Variants in METTL4 observed in about 807,000 individuals in gnomAD.
METTL4 encodes the protein methyltransferase 4, N6-adenosine, also known as N(6)-adenine-specific methyltransferase METTL4.
A neutral mutation model predicts 54.0 loss-of-function variants in METTL4; 40 were observed. The ratio of observed to expected loss-of-function variants is 0.74; its 90% confidence interval spans 0.58 to 0.96. METTL4 has a LOEUF of 0.96. METTL4 is among the 50% of genes least tolerant of loss of function. METTL4 has a pLI of 0.00. For missense variants in METTL4, 525 were observed against 549.0 expected (o/e 0.96, Z 0.44); for synonymous variants, 169 against 183.8 (o/e 0.92, Z 0.65).
intron 5 of METTL4, among the ~76,000 whole-genome samples, chr18:2,549,819 T>TAAAAAAAAA (rs397758263): frequency 1.3e-4 from 10 of 79,064 alleles, no homozygotes; most frequent in African/African-American, 2.2e-4. Flanking sequence ...CCATCTCTAC[T>TAAAAAAAAA]AAAAAAAAAA....
At chr18:2,555,720 G>A (rs757369784) in intron 3 of METTL4, among the ~76,000 whole-genome samples, 5 of 151,898 alleles carry the variant, frequency 3.3e-5, no homozygotes, top group Non-Finnish European at 7.4e-5. Context: ...TCCCCTTCTG[G>A]ACAAGATGGA....
intron 1 of METTL4, chr18:2,568,245 T>A (rs2072450358): frequency 6.6e-6 from 1 of 152,272 alleles, no homozygotes; most frequent in African/African-American, 2.4e-5. Context: ...GGATGAAGGC[T>A]GAGTTGATCA....
intron 2 of METTL4, among the ~76,000 whole-genome samples, chr18:2,566,095 T>A (rs1260840146): frequency 4.0e-5 from 6 of 148,548 alleles, no homozygotes; most frequent in Admixed American, 6.7e-5. Flanking sequence ...ATAAATAAAA[T>A]AAACAAATAA....
intron 2 of METTL4, among the ~76,000 whole-genome samples, chr18:2,565,145 G>A (rs962178796): frequency 2.0e-5 from 3 of 152,084 alleles, no homozygotes; most frequent in African/African-American, 7.2e-5. Flanking sequence ...CGGGTATGGT[G>A]GTGGACACAC....
rs577050633 is a variant in METTL4 at position 2,552,169 on chromosome 18, G to C, written c.899+526C>G. ...GATCGCGCCACTGCACTCCAGCCTG[G>C]TAACGGAGTGAGACTCCATCTCAAA... is the stretch of plus-strand genomic sequence containing the variant. On this transcript the variant is annotated intron_variant, in intron 5 of 8. Transcript: ENST00000574538. Among the ~76,000 whole-genome samples, 6 of 147,974 alleles carry C rather than the reference G, an allele frequency of 4.1e-5. No individual in the cohort carries two copies. The South Asian group carries it at 1.2e-3, about 31-fold the overall frequency.
rs2072435128 is a variant in METTL4, at chr18:2,567,212, G to A, written c.5C>T (p.Ser2Phe). 3 of 1,579,632 alleles carry A rather than the reference G, an allele frequency of 1.9e-6. No homozygotes were observed. The highest frequency in any genetic ancestry group is 2.6e-6 in the Non-Finnish European group (3 of 1,163,228). MSVVHQLSAGWL... is the reference protein window; with the variant it reads MFVVHQLSAGWL... ...CCCAGCTGACAACTGGTGTACCACA[G>A]ACATTCCCTTCCTTTAAAAAAGCCT... Residue 2 changes from serine (S) to phenylalanine (F), a missense_variant, in exon 2 of 9, where the codon TCT becomes TTT. By Grantham distance (155) the Ser-to-Phe change is radical. Coordinates refer to ENST00000574538, the MANE Select transcript of METTL4 (RefSeq NM_022840.5).
chr18:2,548,228 T>C (rs2072101467), intron 5 of METTL4, among the ~76,000 whole-genome samples: 1 of 152,158 alleles, frequency 6.6e-6, no homozygotes, highest in Non-Finnish European at 1.5e-5. Context: ...TAATGGCTAG[T>C]TTGTCCTGCA....
intron 5 of METTL4, among the ~76,000 whole-genome samples, chr18:2,550,448 CT>C (rs2072137345): frequency 2.0e-5 from 3 of 152,100 alleles, no homozygotes; most frequent in South Asian, 4.1e-4. Flanking sequence ...TTTGATAGCT[CT>C]TCAAAAATTT....
At chr18:2,558,540 A>G (rs546557889) in intron 3 of METTL4, among the ~76,000 whole-genome samples, 176 of 152,272 alleles carry the variant, frequency 1.2e-3, no homozygotes, top group Non-Finnish European at 2.0e-3. Context: ...GTTAACCGAC[A>G]TAACATTCCA....
At chr18:2,553,028 TG>T in intron 4 of METTL4, 1 of 331,688 alleles carries the variant, frequency 3.0e-6, no homozygotes, top group Middle Eastern at 8.4e-4. Flanking sequence ...CTCAGTAAGC[TG>T]AACACTAATG....
At chr18:2,569,552 A>G (rs2072471714) in intron 1 of METTL4, among the ~76,000 whole-genome samples, 1 of 151,786 alleles carries the variant, frequency 6.6e-6, no homozygotes, top group South Asian at 2.1e-4. Flanking sequence ...GTAGACGTGA[A>G]GATCACAGCC....
At chr18:2,546,398 T>C (rs908240141) in intron 6 of METTL4, among the ~76,000 whole-genome samples, 15 of 152,122 alleles carry the variant, frequency 9.9e-5, no homozygotes, top group African/African-American at 3.6e-4. Flanking sequence ...CATAGGTATG[T>C]ATGTATACAA....
chr18:2,552,090 G>C (rs1339711316), intron 5 of METTL4, among the ~76,000 whole-genome samples: 2 of 152,154 alleles, frequency 1.3e-5, no homozygotes, highest in Non-Finnish European at 2.9e-5. Flanking sequence ...CTACTCGGGA[G>C]GCTGAGGAAG....
intron 5 of METTL4, among the ~76,000 whole-genome samples, chr18:2,552,361 T>C (rs553131185): frequency 2.6e-4 from 39 of 152,308 alleles, no homozygotes; most frequent in Non-Finnish European, 4.6e-4. Flanking sequence ...CATAACACTT[T>C]ATTAAGGAAA....
intron 5 of METTL4, among the ~76,000 whole-genome samples, chr18:2,549,629 T>C (rs929419984): frequency 7.2e-5 from 11 of 151,906 alleles, no homozygotes; most frequent in East Asian, 1.9e-4. Flanking sequence ...GCAACAAACA[T>C]TGGAATCCAG....
At chr18:2,565,585 TTTTC>T (rs1055927572) in intron 2 of METTL4, among the ~76,000 whole-genome samples, 22 of 152,192 alleles carry the variant, frequency 1.4e-4, no homozygotes, top group African/African-American at 4.6e-4. Flanking sequence ...AGAAAATGTA[TTTTC>T]TTTATTACTT....
At chr18:2,564,247 C>CAAA (rs11457097) in intron 2 of METTL4, among the ~76,000 whole-genome samples, 8 of 142,394 alleles carry the variant, frequency 5.6e-5, no homozygotes, top group African/African-American at 1.5e-4. Flanking sequence ...ACTAAAAATA[C>CAAA]AAAAAAAAAA....
chr18:2,554,697 G>C lies in METTL4; in HGVS notation c.801C>G (p.Asp267Glu), dbSNP rs150860712. The change falls in exon 4 of 9, where the codon GAC becomes GAG. Residue 267 changes from aspartate (D) to glutamate (E), a missense_variant. By Grantham distance (45) the Asp-to-Glu change is conservative (BLOSUM62 2). Coordinates refer to ENST00000574538, the MANE Select transcript of METTL4 (RefSeq NM_022840.5). The part of the protein sequence containing the change: ...LPPKSSFLLS[D>E]ISCMQPLLNY... ...TTAGAAGTGGTTGCATACAAGAAATGTCAGATAAAAGAAAACTGCTTTTCG... is the reference window on the plus strand; with the variant it reads ...TTAGAAGTGGTTGCATACAAGAAATCTCAGATAAAAGAAAACTGCTTTTCG... 3,182 of 1,607,308 alleles carry C rather than the reference G, an allele frequency of 2.0e-3. 3 individuals carry two copies. Among genetic ancestry groups the C allele is most frequent in the Middle Eastern group, 4.9e-3 (28 of 5,670 alleles).
At chr18:2,562,366 C>T (rs190031350) in intron 3 of METTL4, 7 of 152,320 alleles carry the variant, frequency 4.6e-5, no homozygotes, top group Admixed American at 4.6e-4. Context: ...CGGTGAGACC[C>T]TGTCTCAAAA....
Sources: gnomAD v4.1 joint callset for allele counts (sites outside exome capture counted in the v4.1 genomes callset) on GRCh38, gnomAD v4.1.1 for gene constraint, MANE v1.5 for transcripts, NCBI Gene and HGNC (gene_info 2026-07-23, HGNC 2026-07-21) for gene names.